Variants in CNTNAP2 observed in about 807,000 individuals in gnomAD.
CNTNAP2 encodes the protein contactin associated protein 2.
CNTNAP2 carries 98 observed loss-of-function variants against 155.2 expected under a neutral mutation model. That is an observed-to-expected ratio of 0.63 (90% CI 0.54 to 0.75). The LOEUF (loss-of-function observed/expected upper bound fraction) is 0.75, where lower values mean the gene tolerates loss of function less well. Ranked by LOEUF, CNTNAP2 falls within the 30% of genes least tolerant of loss-of-function variation. The pLI is 0.00. For synonymous variants in CNTNAP2, 651 were observed against 631.2 expected (o/e 1.03, Z -0.47); for missense variants, 1,727 against 1,688.1 (o/e 1.02, Z -0.40).
At chr7:146,703,267 A>G (rs888625062) in intron 1 of CNTNAP2, among the ~76,000 whole-genome samples, 8 of 152,120 alleles carry the variant, frequency 5.3e-5, no homozygotes, top group Non-Finnish European at 1.2e-4. Context: ...TAGCTACAAT[A>G]GCCATTTCTC....
intron 21 of CNTNAP2, among the ~76,000 whole-genome samples, chr7:148,324,668 G>T (rs536033663): frequency 3.1e-3 from 467 of 151,840 alleles, no homozygotes; most frequent in Non-Finnish European, 5.6e-3. Context: ...CATGGTGGCG[G>T]GTGCCTGTAA....
chr7:146,495,394 T>C (rs991497168), intron 1 of CNTNAP2, among the ~76,000 whole-genome samples: 8 of 152,132 alleles, frequency 5.3e-5, no homozygotes, highest in African/African-American at 1.9e-4. Context: ...CTGGATTATG[T>C]CAGGGGAATT....
chr7:147,529,075 A>G (rs977574855), intron 11 of CNTNAP2, among the ~76,000 whole-genome samples: 3 of 152,252 alleles, frequency 2.0e-5, no homozygotes, highest in Admixed American at 6.5e-5. Flanking sequence ...CAAATGGCAC[A>G]GAAAATATGT....
At chr7:146,692,494 T>C (rs1800714907) in intron 1 of CNTNAP2, among the ~76,000 whole-genome samples, 1 of 152,158 alleles carries the variant, frequency 6.6e-6, no homozygotes, top group Non-Finnish European at 1.5e-5. Context: ...ACTGAAGAAA[T>C]GTTTAATTGC....
At chr7:146,162,580 A>G (rs1798241269) in intron 1 of CNTNAP2, among the ~76,000 whole-genome samples, 2 of 152,226 alleles carry the variant, frequency 1.3e-5, no homozygotes, top group Admixed American at 1.3e-4. Context: ...TAGTTCAACC[A>G]TTGTGGAAGA....
chr7:146,624,472 CT>C (rs35364992), intron 1 of CNTNAP2, among the ~76,000 whole-genome samples: 3 of 151,690 alleles, frequency 2.0e-5, no homozygotes, highest in African/African-American at 4.8e-5. Flanking sequence ...AGCATTATTA[CT>C]TTTTTTATCA....
chr7:146,616,591 T>C (rs1799228430), intron 1 of CNTNAP2, among the ~76,000 whole-genome samples: 1 of 152,178 alleles, frequency 6.6e-6, no homozygotes, highest in African/African-American at 2.4e-5. Context: ...TGTGAATTTA[T>C]AGTCAAAAAA....
chr7:146,307,811 C>T (rs918654704), intron 1 of CNTNAP2, among the ~76,000 whole-genome samples: 16 of 152,106 alleles, frequency 1.1e-4, no homozygotes, highest in South Asian at 2.1e-4. Flanking sequence ...CTTCCTTACA[C>T]CTTATACAGA....
chr7:148,273,767 T>C (rs918963716), intron 21 of CNTNAP2, among the ~76,000 whole-genome samples: 5 of 152,212 alleles, frequency 3.3e-5, no homozygotes, highest in African/African-American at 9.7e-5. Flanking sequence ...TAAGTCATAT[T>C]GGTCTCAGAT....
intron 2 of CNTNAP2, among the ~76,000 whole-genome samples, chr7:146,834,331 G>A (rs1284462208): frequency 2.6e-5 from 4 of 152,118 alleles, no homozygotes; most frequent in Non-Finnish European, 5.9e-5. Context: ...ATTCTCTATT[G>A]TAATGGATCA....
chr7:148,284,135 G>A (rs912052203), intron 21 of CNTNAP2, among the ~76,000 whole-genome samples: 2 of 152,200 alleles, frequency 1.3e-5, no homozygotes, highest in Admixed American at 6.5e-5. Context: ...CTCTTCCACA[G>A]CTATTATCAC....
At chr7:146,850,364 A>G (rs1030183499) in intron 3 of CNTNAP2, among the ~76,000 whole-genome samples, 10 of 152,194 alleles carry the variant, frequency 6.6e-5, no homozygotes, top group Non-Finnish European at 1.3e-4. Flanking sequence ...AATGCTTTAT[A>G]ATGATATTAA....
At chr7:146,457,632 G>C (rs1796576731) in intron 1 of CNTNAP2, among the ~76,000 whole-genome samples, 1 of 149,020 alleles carries the variant, frequency 6.7e-6, no homozygotes. Context: ...GCCTCCTGAG[G>C]AGCTGGGACT....
At chr7:146,865,860 A>G (rs1221232651) in intron 3 of CNTNAP2, among the ~76,000 whole-genome samples, 3 of 152,172 alleles carry the variant, frequency 2.0e-5, no homozygotes, top group Non-Finnish European at 4.4e-5. Flanking sequence ...CATTCACAAT[A>G]CACAAATACA....
intron 12 of CNTNAP2, among the ~76,000 whole-genome samples, chr7:147,622,533 A>G (rs1794879591): frequency 6.6e-6 from 1 of 152,090 alleles, no homozygotes. Context: ...CTGAATGACC[A>G]GTGGGCCAAT....
intron 13 of CNTNAP2, among the ~76,000 whole-genome samples, chr7:147,696,635 C>G (rs560162231): frequency 6.6e-6 from 1 of 152,064 alleles, no homozygotes; most frequent in African/African-American, 2.4e-5. Context: ...TGACCTATAT[C>G]ATTTTTGTTT....
intron 11 of CNTNAP2, among the ~76,000 whole-genome samples, chr7:147,544,305 C>T (rs73463000): frequency 0.034 from 5,120 of 152,078 alleles, 131 homozygotes; most frequent in African/African-American, 0.057. Context: ...CAGAAGAGCA[C>T]ATTTCAATGG....
At chr7:147,506,889 C>A (rs1052519891) in intron 11 of CNTNAP2, among the ~76,000 whole-genome samples, 1 of 152,168 alleles carries the variant, frequency 6.6e-6, no homozygotes, top group African/African-American at 2.4e-5. Flanking sequence ...GGGGTTCTAG[C>A]CCCAACTCTG....
intron 13 of CNTNAP2, among the ~76,000 whole-genome samples, chr7:147,880,895 T>TGTGTG (rs1443992795): frequency 9.0e-5 from 6 of 66,850 alleles, no homozygotes; most frequent in African/African-American, 5.8e-4. Flanking sequence ...GTGTGTGTGT[T>TGTGTG]TCCAAGTAAG....
Sources: allele counts gnomAD v4.1 joint callset (sites outside exome capture counted in the v4.1 genomes callset), GRCh38; gene constraint gnomAD v4.1.1; transcripts MANE v1.5; gene names NCBI Gene and HGNC (gene_info 2026-07-23, HGNC 2026-07-21).